Variants in SBF2 observed in about 807,000 individuals in gnomAD.
The protein encoded by SBF2 is myotubularin-related protein 13.
In SBF2, 112 loss-of-function variants were observed where a neutral mutation model predicts 225.2. That is an observed-to-expected ratio of 0.50 (90% CI 0.43 to 0.58). The LOEUF (loss-of-function observed/expected upper bound fraction) is 0.58. Among genes scored for constraint, SBF2 ranks in the 20% least tolerant of loss-of-function variants. SBF2 has a pLI of 0.00. For synonymous variants in SBF2, 763 were observed against 773.3 expected, an observed-to-expected ratio of 0.99 and a Z score of 0.22; for missense variants, 1,996 against 2,206.2, an observed-to-expected ratio of 0.90 and a Z score of 1.91.
At chr11:9,968,009 CAAATT>C (rs1469505006) in intron 14 of SBF2, among the ~76,000 whole-genome samples, 3 of 147,876 alleles carry the variant, frequency 2.0e-5, no homozygotes, top group Non-Finnish European at 4.5e-5. Flanking sequence ...TATATATTCT[CAAATT>C]AAATAGTAAT....
In SBF2 at chr11:9,780,261, T is replaced by TAAGTA; in HGVS notation, c.*152_*156dup. ...ACCTGTGTGAAACACCTATTCAGGT[T>TAAGTA]AAGTAGATATAGCAACCCCTGCAAG... On this transcript the variant is annotated 3_prime_UTR_variant, in exon 40 of 40. Coordinates refer to ENST00000256190, the MANE Select transcript of SBF2 (RefSeq NM_030962.4). The TAAGTA allele has an allele frequency of 1.4e-6, 1 of 699,140 alleles. No individual in the cohort carries two copies. The highest frequency in any genetic ancestry group is 2.6e-6 in the Non-Finnish European group (1 of 388,050). 43.3% of individuals were successfully genotyped at this position (699,140 alleles called of 1,614,324 possible). A position where few individuals can be genotyped will look rare whatever the true frequency, so the allele number is the denominator to read the frequency against.
chr11:10,078,666 A>T (rs1951231559), intron 2 of SBF2, among the ~76,000 whole-genome samples: 1 of 152,168 alleles, frequency 6.6e-6, no homozygotes, highest in Admixed American at 6.5e-5. Context: ...CATTAGGAGA[A>T]ATACCTAATG....
intron 19 of SBF2, among the ~76,000 whole-genome samples, chr11:9,854,930 G>A (rs189635401): frequency 7.9e-5 from 12 of 152,250 alleles, no homozygotes; most frequent in Admixed American, 7.8e-4. Context: ...GTTATTGCTT[G>A]TTATAATGAA....
intron 2 of SBF2, among the ~76,000 whole-genome samples, chr11:10,169,396 G>T (rs550295903): frequency 6.6e-6 from 1 of 152,098 alleles, no homozygotes; most frequent in South Asian, 2.1e-4. Flanking sequence ...GAGATCAATT[G>T]TTTTAATTTT....
At position 9,834,725 on chromosome 11, in the gene SBF2, A is replaced by C. The variant is rs114710636; in HGVS notation, c.3456-2305T>G. Among the ~76,000 whole-genome samples, 1,208 of 152,346 alleles carry C rather than the reference A, an allele frequency of 7.9e-3. 17 individuals are homozygous for C. Among genetic ancestry groups the C allele is most frequent in the African/African-American group, 0.027 (1,142 of 41,564 alleles). ...AGACTGAAAAGGCAGTTCCATAATT[A>C]GGACCCTCTATCTCCACTTGAATAT... On this transcript the variant is annotated intron_variant, in intron 26 of 39. Coordinates refer to ENST00000256190, the MANE Select transcript of SBF2 (RefSeq NM_030962.4).
chr11:10,192,768 G>A (rs537782556), intron 2 of SBF2, among the ~76,000 whole-genome samples: 1 of 152,262 alleles, frequency 6.6e-6, no homozygotes, highest in East Asian at 1.9e-4. Flanking sequence ...GCACTCTTAA[G>A]TATCATGTTA....
chr11:10,244,090 G>A (rs1469894207), intron 1 of SBF2, among the ~76,000 whole-genome samples: 1 of 152,164 alleles, frequency 6.6e-6, no homozygotes, highest in Non-Finnish European at 1.5e-5. Context: ...CCATGACCAA[G>A]TGGTACTTCC....
chr11:10,259,779 T>C (rs1046324966), intron 1 of SBF2, among the ~76,000 whole-genome samples: 2 of 152,120 alleles, frequency 1.3e-5, no homozygotes, highest in Non-Finnish European at 2.9e-5. Context: ...AAGCCTACTT[T>C]ATAAAATAAA....
rs1857320788 is a variant in SBF2 at position 9,856,473 on chromosome 11, C to T, written c.2348G>A (p.Ser783Asn). 6.2e-7 allele frequency: 1 copy of T among 1,613,888 alleles called. No homozygotes were observed. The highest frequency in any genetic ancestry group is 1.7e-5 in the Admixed American group (1 of 60,010). The change falls in exon 19 of 40, where the codon AGC (serine) becomes AAC (asparagine). Residue 783 changes from serine (S) to asparagine (N), a missense_variant. Physicochemically the swap from Ser to Asn is conservative, Grantham distance 46 (BLOSUM62 1). Transcript: ENST00000256190. The stretch of plus-strand genomic sequence containing the variant: ...ATTTTGGTACCTGTTTGTGACAATG[C>T]TGTTGCTTCCGCTCTCCCAGTCACC... ...APGDWESGSN[S>N]IVTNSIAGSV... is the part of the protein sequence containing the mutation.
intron 2 of SBF2, among the ~76,000 whole-genome samples, chr11:10,147,011 A>G (rs1165494767): frequency 6.6e-6 from 1 of 151,846 alleles, no homozygotes; most frequent in Admixed American, 6.6e-5. Context: ...CCACAATGAG[A>G]TACCATCTCA....
chr11:9,899,371 G>C (rs1861535928), intron 16 of SBF2, among the ~76,000 whole-genome samples: 1 of 150,964 alleles, frequency 6.6e-6, no homozygotes, highest in Admixed American at 6.6e-5. Context: ...AGGTATGATG[G>C]TGCATGCATG....
intron 2 of SBF2, among the ~76,000 whole-genome samples, chr11:10,174,073 GA>G (rs1472427064): frequency 6.6e-6 from 1 of 151,782 alleles, no homozygotes; most frequent in Non-Finnish European, 1.5e-5. Flanking sequence ...AAACAGAGCA[GA>G]AAAACTGGAA....
chr11:9,890,899 C>T (rs545611373), intron 17 of SBF2, among the ~76,000 whole-genome samples: 16 of 151,850 alleles, frequency 1.1e-4, no homozygotes, highest in Non-Finnish European at 2.4e-4. Flanking sequence ...TTTGGGAGGT[C>T]GAGACAGGTG....
chr11:9,896,817 G>A (rs931720156), intron 16 of SBF2, among the ~76,000 whole-genome samples: 16 of 151,538 alleles, frequency 1.1e-4, no homozygotes. Context: ...GTGGGGCGGG[G>A]AGGATCTTTC....
intron 1 of SBF2, among the ~76,000 whole-genome samples, chr11:10,234,633 TTTTA>T (rs1467089666): frequency 5.3e-5 from 8 of 152,220 alleles, no homozygotes; most frequent in Non-Finnish European, 7.3e-5. Context: ...CTATAACAGC[TTTTA>T]TTTGTGTTAC....
intron 16 of SBF2, among the ~76,000 whole-genome samples, chr11:9,909,269 T>G (rs2134179289): frequency 6.6e-6 from 1 of 152,078 alleles, no homozygotes; most frequent in African/African-American, 2.4e-5. Context: ...TTTTGGAAGG[T>G]TTTTGTTTTC....
chr11:10,031,027 T>G lies in SBF2; in HGVS notation c.402+21A>C, dbSNP rs746571099. The G allele has an allele frequency of 1.9e-6, 3 of 1,594,606 alleles. No homozygotes were observed. In the Admixed American group the frequency reaches 5.0e-5, roughly 27 times the overall value. The stretch of plus-strand genomic sequence containing the variant: ...CTCACACAATAATACAAATTAATAA[T>G]GATAACTATGTGTTCTTTACCCTAA... On this transcript the variant is annotated intron_variant, in intron 4 of 39. Transcript: ENST00000256190.
intron 3 of SBF2, among the ~76,000 whole-genome samples, chr11:10,032,662 C>T (rs1356102013): frequency 6.6e-6 from 1 of 152,162 alleles, no homozygotes; most frequent in Non-Finnish European, 1.5e-5. Flanking sequence ...TGTTACTATC[C>T]AACATATTTA....
chr11:10,189,265 A>G (rs1248539515), intron 2 of SBF2, among the ~76,000 whole-genome samples: 1 of 152,196 alleles, frequency 6.6e-6, no homozygotes, highest in Non-Finnish European at 1.5e-5. Context: ...TAAACATCCC[A>G]TAACTCCTGC....
Sources: allele counts gnomAD v4.1 joint callset (sites outside exome capture counted in the v4.1 genomes callset), GRCh38; gene constraint gnomAD v4.1.1; transcripts MANE v1.5; gene names NCBI Gene and HGNC (gene_info 2026-07-23, HGNC 2026-07-21).